Variants in AP2A1 observed in about 807,000 individuals in gnomAD.
The protein encoded by AP2A1 is adaptor related protein complex 2 subunit alpha 1.
AP2A1 carries 21 observed loss-of-function variants against 107.3 expected under a neutral mutation model. The observed-to-expected ratio is 0.20, with a 90% CI of 0.14 to 0.28. The LOEUF (loss-of-function observed/expected upper bound fraction) is 0.28. Among genes scored for constraint, AP2A1 ranks in the 10% least tolerant of loss-of-function variants. The probability of loss-of-function intolerance (pLI) is 1.00; values close to 1 mark genes in which losing one functional copy is unlikely to be tolerated. For synonymous variants in AP2A1, 602 were observed against 564.8 expected (o/e 1.07, Z -0.93); for missense variants, 873 against 1,307.7 (o/e 0.67, Z 5.13).
At chr19:49,784,972 G>A (rs2084720072) in intron 4 of AP2A1, among the ~76,000 whole-genome samples, 2 of 152,222 alleles carry the variant, frequency 1.3e-5, no homozygotes, top group Non-Finnish European at 1.5e-5. Flanking sequence ...GCCAGAATTA[G>A]TGGCCTGGCA....
intron 5 of AP2A1, 122 bp downstream of exon 5, chr19:49,792,186 A>C (rs1600231287): frequency 1.0e-6 from 1 of 958,106 alleles, no homozygotes; most frequent in Non-Finnish European, 1.5e-6. Context: ...CTCCCACCTC[A>C]GCCCACGCAC....
chr19:49,799,962 C>A lies in AP2A1; in HGVS notation c.1273-6C>A, dbSNP rs745506973. On this transcript the variant is annotated splice_polypyrimidine_tract_variant and splice_region_variant and intron_variant, in intron 10 of 22. Coordinates refer to ENST00000354293, the MANE Select transcript of AP2A1 (RefSeq NM_130787.3). ...GCACACTCTCTCTCACACGCCCCGG[C>A]GGCAGGTCCTGAAGGTGGCCATCCT... The A allele has an allele frequency of 2.5e-6, 4 of 1,612,108 alleles. No individual in the cohort carries two copies. The Admixed American group carries it at 5.0e-5, about 20-fold the overall frequency.
chr19:49,791,764 A>G (rs2073144845), intron 4 of AP2A1, 171 bp from the exon 5 acceptor site: 2 of 699,146 alleles, frequency 2.9e-6, no homozygotes, highest in East Asian at 2.8e-5. Flanking sequence ...GAAGACACTG[A>G]GTCCTGGTGG....
At chr19:49,791,824 C>T in intron 4 of AP2A1, 111 bp from the exon 5 acceptor site, 1 of 1,398,816 alleles carries the variant, frequency 7.1e-7, no homozygotes, top group Non-Finnish European at 9.6e-7. Context: ...GGCTGTCTGT[C>T]CCTCTCGCTG....
rs28736735 is a variant in AP2A1 at position 49,802,941 on chromosome 19, G to A, written c.2115-8G>A. On this transcript the variant is annotated splice_region_variant and splice_polypyrimidine_tract_variant and intron_variant, in intron 15 of 22. Coordinates refer to ENST00000354293, the MANE Select transcript of AP2A1 (RefSeq NM_130787.3). ...TCCTTCCCATCTCACTCTGCTCCATGCCTCCAGCCCAGGTCCTGAGGACAT... is the reference window on the plus strand; with the variant it reads ...TCCTTCCCATCTCACTCTGCTCCATACCTCCAGCCCAGGTCCTGAGGACAT... 1.4e-5 allele frequency: 22 copies of A among 1,611,456 alleles called. No individual in the cohort carries two copies. In the East Asian group the frequency reaches 4.5e-4, roughly 33 times the overall value.
Position 49,806,939 on chromosome 19 carries a change from T to G in AP2A1, c.*181T>G. 1.3e-6 allele frequency: 2 copies of G among 1,534,330 alleles called. No homozygotes were observed. Among genetic ancestry groups the G allele is most frequent in the Non-Finnish European group, 1.7e-6 (2 of 1,146,756 alleles). On this transcript the variant is annotated 3_prime_UTR_variant, in exon 23 of 23. Transcript: ENST00000354293. ...TGTTCATCTGCTGCTGTTTACATTCTGGGGGGTTAGGGGGAGTCCCCCTCC... is the reference window on the plus strand; with the variant it reads ...TGTTCATCTGCTGCTGTTTACATTCGGGGGGGTTAGGGGGAGTCCCCCTCC...
intron 5 of AP2A1, 116 bp from the exon 6 acceptor site, chr19:49,792,875 C>A: frequency 1.1e-6 from 1 of 911,762 alleles, no homozygotes; most frequent in South Asian, 1.6e-5. Flanking sequence ...TGTGCACACC[C>A]CTAAACCCCA....
chr19:49,782,469 G>C, intron 3 of AP2A1, 62 bp from the exon 4 acceptor site: 1 of 1,537,346 alleles, frequency 6.5e-7, no homozygotes, highest in Admixed American at 1.9e-5. Context: ...TGGGTCTGAG[G>C]GTTGGATCTG....
chr19:49,802,070 T>C lies in AP2A1; in HGVS notation c.2043T>C (p.Leu681=), dbSNP rs1238521018. 1 of 1,592,354 alleles carries C rather than the reference T, an allele frequency of 6.3e-7. No homozygotes were observed. The highest frequency in any genetic ancestry group is 1.1e-5 in the South Asian group (1 of 89,232). ...CGGCTTCTGCAGGAGCAGGGAACCT[T>C]CTGGTGGACGTCTTCGATGGCCCGG... ...APPASAGAGN[L]LVDVFDGPAA... Residue 681 remains leucine (L), a synonymous_variant, in exon 15 of 23, where the codon CTT becomes CTC. Coordinates refer to ENST00000354293, the MANE Select transcript of AP2A1 (RefSeq NM_130787.3).
chr19:49,772,789 C>T (rs1053009048), intron 1 of AP2A1, among the ~76,000 whole-genome samples: 3 of 151,912 alleles, frequency 2.0e-5, no homozygotes, highest in Non-Finnish European at 4.4e-5. Context: ...CGTGAGCCAC[C>T]GCGCCCGGCC....
Sources: gnomAD v4.1 joint callset for allele counts (sites outside exome capture counted in the v4.1 genomes callset) on GRCh38, gnomAD v4.1.1 for gene constraint, MANE v1.5 for transcripts, NCBI Gene and HGNC (gene_info 2026-07-23, HGNC 2026-07-21) for gene names.